PTPRM: variants seen among roughly 807,000 people sequenced by gnomAD.
PTPRM encodes the protein protein tyrosine phosphatase receptor type M, also known as receptor-type tyrosine-protein phosphatase mu.
Under a neutral mutation model 186.7 loss-of-function variants are expected in PTPRM, and 47 were observed. That is an observed-to-expected ratio of 0.25 (90% CI 0.20 to 0.32). The LOEUF is 0.32. PTPRM is among the 10% of genes least tolerant of loss of function. The pLI, the probability that PTPRM is intolerant of heterozygous loss-of-function variation, is 1.00. For synonymous variants in PTPRM, 668 were observed against 674.9 expected, an observed-to-expected ratio of 0.99 and a Z score of 0.16; for missense variants, 1,494 against 1,865.0, an observed-to-expected ratio of 0.80 and a Z score of 3.66.
chr18:8,081,136 G>GT (rs2090104191), intron 9 of PTPRM, among the ~76,000 whole-genome samples: 1 of 152,122 alleles, frequency 6.6e-6, no homozygotes, highest in South Asian at 2.1e-4. Context: ...TAACATGCAA[G>GT]TCAAAGATTG....
At chr18:7,689,363 G>A (rs1218778189) in intron 1 of PTPRM, among the ~76,000 whole-genome samples, 1 of 152,192 alleles carries the variant, frequency 6.6e-6, no homozygotes, top group African/African-American at 2.4e-5. Flanking sequence ...GGCACATCAG[G>A]TGCACGCACC....
At chr18:7,725,238 T>C (rs1480120266) in intron 1 of PTPRM, among the ~76,000 whole-genome samples, 1 of 152,210 alleles carries the variant, frequency 6.6e-6, no homozygotes, top group African/African-American at 2.4e-5. Context: ...GGGGTCCTTT[T>C]GTAAGGCAAC....
intron 6 of PTPRM, among the ~76,000 whole-genome samples, chr18:7,954,627 A>C (rs2053193306): frequency 6.6e-6 from 1 of 152,206 alleles, no homozygotes; most frequent in Non-Finnish European, 1.5e-5. Flanking sequence ...AATGCTTCCT[A>C]GAGCTTAAAT....
At chr18:8,232,172 T>G (rs2094295286) in intron 14 of PTPRM, among the ~76,000 whole-genome samples, 1 of 152,196 alleles carries the variant, frequency 6.6e-6, no homozygotes, top group South Asian at 2.1e-4. Context: ...TAATAAAATA[T>G]TAGGTCAGTG....
intron 7 of PTPRM, among the ~76,000 whole-genome samples, chr18:8,009,567 G>T (rs2084393579): frequency 6.6e-6 from 1 of 152,092 alleles, no homozygotes; most frequent in Non-Finnish European, 1.5e-5. Context: ...AATTAGCCAG[G>T]CATGGTGGCG....
chr18:7,933,957 ATCT>A (rs2051641088), intron 5 of PTPRM, among the ~76,000 whole-genome samples: 2 of 152,160 alleles, frequency 1.3e-5, no homozygotes. Context: ...TCTTTCCTAA[ATCT>A]TCATTTCTTG....
chr18:8,399,763 C>G (rs1044207787), intron 32 of PTPRM: 1 of 152,212 alleles, frequency 6.6e-6, no homozygotes, highest in African/African-American at 2.4e-5. Context: ...CAAGGAGCCC[C>G]CCAAGCTTTC....
At chr18:7,679,972 C>T (rs1011629136) in intron 1 of PTPRM, among the ~76,000 whole-genome samples, 3 of 152,062 alleles carry the variant, frequency 2.0e-5, no homozygotes, top group Non-Finnish European at 2.9e-5. Context: ...GTCAGGTCAT[C>T]CTCCCACCTC....
chr18:7,920,687 TGG>T (rs2050809768), intron 4 of PTPRM, among the ~76,000 whole-genome samples: 1 of 152,228 alleles, frequency 6.6e-6, no homozygotes, highest in African/African-American at 2.4e-5. Context: ...ATATTATCCG[TGG>T]GTTTTATATA....
At chr18:8,397,832 A>G (rs1331205171) in intron 32 of PTPRM, among the ~76,000 whole-genome samples, 1 of 152,166 alleles carries the variant, frequency 6.6e-6, no homozygotes, top group African/African-American at 2.4e-5. Flanking sequence ...TAACATAGAA[A>G]TGGTCTTCAA....
At chr18:8,301,000 C>T (rs1568697771) in intron 20 of PTPRM, among the ~76,000 whole-genome samples, 1 of 152,134 alleles carries the variant, frequency 6.6e-6, no homozygotes, top group Non-Finnish European at 1.5e-5. Context: ...ATAGTATTAC[C>T]ATCCCCTGCC....
intron 8 of PTPRM, 22 bp downstream of exon 8, chr18:8,070,016 G>C: frequency 6.3e-7 from 1 of 1,587,798 alleles, no homozygotes; most frequent in Non-Finnish European, 8.6e-7. Flanking sequence ...TGAATGATAT[G>C]TTTGTGTAAA....
intron 23 of PTPRM, among the ~76,000 whole-genome samples, chr18:8,352,652 G>GTTTTTTTTTTTT (rs142090056): frequency 3.9e-5 from 4 of 102,226 alleles, no homozygotes; most frequent in Non-Finnish European, 4.4e-5. Flanking sequence ...TTTTTGGTTT[G>GTTTTTTTTTTTT]GTTTTTTTTG....
chr18:8,070,374 A>G (rs561614851), intron 8 of PTPRM, among the ~76,000 whole-genome samples: 8 of 145,258 alleles, frequency 5.5e-5, no homozygotes, highest in East Asian at 2.0e-4. Context: ...GTTTACCTAA[A>G]TATATTTAAA....
At chr18:8,378,481 C>T (rs2095710344) in intron 27 of PTPRM, 67 bp downstream of exon 27, 5 of 1,552,026 alleles carry the variant, frequency 3.2e-6, no homozygotes, top group Non-Finnish European at 4.4e-6. Context: ...TCAAGGTCAG[C>T]ACCTGAGTGA....
At chr18:8,216,044 C>A (rs922542128) in intron 14 of PTPRM, among the ~76,000 whole-genome samples, 1 of 152,204 alleles carries the variant, frequency 6.6e-6, no homozygotes, top group Admixed American at 6.5e-5. Context: ...CAGGAGAGTG[C>A]AGTTCTCTTT....
chr18:7,573,770 A>G (rs1473480891), intron 1 of PTPRM, among the ~76,000 whole-genome samples: 1 of 151,410 alleles, frequency 6.6e-6, no homozygotes, highest in Non-Finnish European at 1.5e-5. Flanking sequence ...TTGTATTTTT[A>G]GTAGAGACGG....
At chr18:8,222,909 G>A (rs1358351103) in intron 14 of PTPRM, among the ~76,000 whole-genome samples, 8 of 133,518 alleles carry the variant, frequency 6.0e-5, no homozygotes, top group Non-Finnish European at 1.3e-4. Context: ...GCAATATAGT[G>A]AGACCCCCCA....
chr18:7,711,337 C>G (rs935148832), intron 1 of PTPRM, among the ~76,000 whole-genome samples: 3 of 152,212 alleles, frequency 2.0e-5, no homozygotes, highest in African/African-American at 7.2e-5. Flanking sequence ...TCACAACCCA[C>G]AGACCAGGAT....
Sources: gnomAD v4.1 joint callset for allele counts (sites outside exome capture counted in the v4.1 genomes callset) on GRCh38, gnomAD v4.1.1 for gene constraint, MANE v1.5 for transcripts, NCBI Gene and HGNC (gene_info 2026-07-23, HGNC 2026-07-21) for gene names.